DENND4A: variants seen among roughly 807,000 people sequenced by gnomAD.
DENND4A encodes C-myc promoter-binding protein.
Under a neutral mutation model 199.3 loss-of-function variants are expected in DENND4A, and 70 were observed. The observed-to-expected ratio is 0.35, with a 90% CI of 0.29 to 0.43. DENND4A has a LOEUF of 0.43. Ranked by LOEUF, DENND4A falls within the 20% of genes least tolerant of loss-of-function variation. The probability of loss-of-function intolerance (pLI) is 1.00; values close to 1 mark genes in which losing one functional copy is unlikely to be tolerated. For missense variants in DENND4A, 1,723 were observed against 2,255.8 expected, an observed-to-expected ratio of 0.76 and a Z score of 4.78; for synonymous variants, 686 against 766.9, an observed-to-expected ratio of 0.89 and a Z score of 1.74.
chr15:65,747,824 C>T (rs780688252), intron 4 of DENND4A, among the ~76,000 whole-genome samples: 16 of 151,858 alleles, frequency 1.1e-4, no homozygotes, highest in Non-Finnish European at 1.8e-4. Context: ...GGGCGGATCA[C>T]AAGGTCAGGA....
At chr15:65,746,369 C>CTCTCTTTTT (rs2076392238) in intron 4 of DENND4A, among the ~76,000 whole-genome samples, 5 of 51,300 alleles carry the variant, frequency 9.7e-5, no homozygotes, top group Admixed American at 3.4e-4. Context: ...ACTTTTTTCT[C>CTCTCTTTTT]TTTTTTTTTT....
At position 65,701,073 on chromosome 15, in the gene DENND4A, G is replaced by A. The variant is rs1296547166; in HGVS notation, c.2679C>T (p.His893=). The change falls in exon 19 of 33, where the codon CAC becomes CAT. Residue 893 remains histidine, a synonymous_variant. Transcript: ENST00000443035. ...TACCTGAGAGAGTTGTTTGTGATAA[G>A]TGTGCATGCTTCTTTAAAGCTCTTT... is the stretch of plus-strand genomic sequence containing the variant. ...QFKRALKKHA[H]LSQTTLSADG... is the part of the protein sequence containing the mutation. The A allele has an allele frequency of 4.4e-6, 7 of 1,607,858 alleles. No individual in the cohort carries two copies. In the East Asian group the frequency reaches 1.3e-4, roughly 31 times the overall value.
chr15:65,704,566 G>A (rs2074983343), intron 15 of DENND4A, among the ~76,000 whole-genome samples: 4 of 151,964 alleles, frequency 2.6e-5, no homozygotes, highest in Admixed American at 2.6e-4. Flanking sequence ...ATAGAGATAA[G>A]GTCTTGCTAT....
At chr15:65,682,444 T>A (rs2076611478) in intron 23 of DENND4A, among the ~76,000 whole-genome samples, 1 of 152,250 alleles carries the variant, frequency 6.6e-6, no homozygotes, top group Non-Finnish European at 1.5e-5. Context: ...CTTCCTCAGC[T>A]TTCTCAGCCT....
intron 20 of DENND4A, 97 bp from the exon 21 acceptor site, chr15:65,697,480 A>G: frequency 1.3e-6 from 1 of 755,964 alleles, no homozygotes; most frequent in Non-Finnish European, 2.1e-6. Context: ...ATTTCCTTAT[A>G]AATTTTTTTC....
chr15:65,666,641 C>T (rs892372186), intron 29 of DENND4A, among the ~76,000 whole-genome samples: 3 of 152,066 alleles, frequency 2.0e-5, no homozygotes, highest in Non-Finnish European at 4.4e-5. Flanking sequence ...GGGCTGGACA[C>T]AGTGGCTCCT....
intron 7 of DENND4A, among the ~76,000 whole-genome samples, chr15:65,735,770 T>C (rs1396650407): frequency 6.6e-6 from 1 of 152,124 alleles, no homozygotes; most frequent in African/African-American, 2.4e-5. Context: ...GCTGGTTTTC[T>C]CCCACAGAGT....
Position 65,746,369 on chromosome 15 carries a change from C to CTTTTTTTTTTT in DENND4A, c.562-4596_562-4586dup, listed in dbSNP as rs573935476. On this transcript the variant is annotated intron_variant, in intron 4 of 32. Coordinates refer to ENST00000443035, the MANE Select transcript of DENND4A (RefSeq NM_001320835.1). ...CTTGTTAACAATTCTACTTTTTTCTCTTTTTTTTTTTTTTTTTTTTTTTTT... is the reference window on the plus strand; with the variant it reads ...CTTGTTAACAATTCTACTTTTTTCTCTTTTTTTTTTTTTTTTTTTTTTTTTTTTTTTTTTTT... Among the ~76,000 whole-genome samples, 177 of 51,318 alleles carry CTTTTTTTTTTT rather than the reference C, an allele frequency of 3.4e-3. 25 individuals carry two copies. Among genetic ancestry groups the CTTTTTTTTTTT allele is most frequent in the Non-Finnish European group, 4.7e-3 (129 of 27,590 alleles). The allele number at this position is 51,318 out of a possible 152,430, so 33.7% of individuals were successfully genotyped here.
chr15:65,723,064 A>G (rs1016657513), intron 11 of DENND4A, 116 bp from the exon 12 acceptor site: 9 of 795,892 alleles, frequency 1.1e-5, no homozygotes, highest in Non-Finnish European at 1.6e-5. Context: ...GAAAAATGAA[A>G]AACAAAATAT....
chr15:65,735,895 C>A (rs971842694), intron 7 of DENND4A, among the ~76,000 whole-genome samples: 1 of 152,096 alleles, frequency 6.6e-6, no homozygotes, highest in Non-Finnish European at 1.5e-5. Flanking sequence ...AGTTCGAGAC[C>A]AGCCTCACCA....
intron 7 of DENND4A, 35 bp downstream of exon 7, chr15:65,737,672 T>G: frequency 6.5e-7 from 1 of 1,532,322 alleles, no homozygotes; most frequent in Non-Finnish European, 8.8e-7. Context: ...AATGGAAAGA[T>G]CTGTCAAATG....
chr15:65,775,498 G>T (rs1168319280), intron 1 of DENND4A, among the ~76,000 whole-genome samples: 1 of 151,422 alleles, frequency 6.6e-6, no homozygotes, highest in Non-Finnish European at 1.5e-5. Context: ...AAAATTAGCC[G>T]GGTGTGGTGA....
intron 12 of DENND4A, among the ~76,000 whole-genome samples, chr15:65,720,947 T>TTACATATATATATATATATATA: frequency 1.3e-5 from 1 of 76,234 alleles, no homozygotes; most frequent in Admixed American, 1.5e-4. Context: ...GTTTCATTGA[T>TTACATATATATATATATATATA]TATATATATA....
At chr15:65,769,151 AGATT>A (rs2077061682) in intron 1 of DENND4A, among the ~76,000 whole-genome samples, 1 of 152,052 alleles carries the variant, frequency 6.6e-6, no homozygotes, top group Admixed American at 6.6e-5. Flanking sequence ...AAAAACGCAT[AGATT>A]TTTTAAAAAT....
chr15:65,746,369 C>CTTTTTTTTT lies in DENND4A; in HGVS notation c.562-4594_562-4586dup, dbSNP rs573935476. ...CTTGTTAACAATTCTACTTTTTTCTCTTTTTTTTTTTTTTTTTTTTTTTTT... is the reference window on the plus strand; with the variant it reads ...CTTGTTAACAATTCTACTTTTTTCTCTTTTTTTTTTTTTTTTTTTTTTTTTTTTTTTTTT... On this transcript the variant is annotated intron_variant, in intron 4 of 32. Transcript: ENST00000443035. Among the ~76,000 whole-genome samples the CTTTTTTTTT allele has an allele frequency of 9.5e-3, 487 of 51,364 alleles. 30 individuals are homozygous for CTTTTTTTTT. The highest frequency in any genetic ancestry group is 0.014 in the Non-Finnish European group (377 of 27,628). The allele number at this position is 51,364 out of a possible 152,430, so 33.7% of individuals were successfully genotyped here.
At chr15:65,757,266 G>C (rs1006185177) in intron 2 of DENND4A, among the ~76,000 whole-genome samples, 10 of 147,588 alleles carry the variant, frequency 6.8e-5, no homozygotes, top group South Asian at 2.2e-4. Flanking sequence ...CTGAGATGGG[G>C]GGGGGGGGGT....
chr15:65,778,175 T>C (rs574301856), intron 1 of DENND4A, among the ~76,000 whole-genome samples: 124 of 152,308 alleles, frequency 8.1e-4, no homozygotes, highest in African/African-American at 2.9e-3. Context: ...TAAAATTCTA[T>C]TACAAAGTTC....
At chr15:65,713,715 G>A (rs1375808800) in intron 14 of DENND4A, among the ~76,000 whole-genome samples, 2 of 152,294 alleles carry the variant, frequency 1.3e-5, no homozygotes, top group Middle Eastern at 3.4e-3. Context: ...TGTGTATTTT[G>A]TTGTAACATG....
chr15:65,697,210 A>G (rs964690526), intron 21 of DENND4A, 57 bp downstream of exon 21: 1 of 1,101,290 alleles, frequency 9.1e-7, no homozygotes, highest in South Asian at 1.4e-5. Context: ...AATCACCTGC[A>G]TTTTCTATGA....
Sources: allele counts gnomAD v4.1 joint callset (sites outside exome capture counted in the v4.1 genomes callset), GRCh38; gene constraint gnomAD v4.1.1; transcripts MANE v1.5; gene names NCBI Gene and HGNC (gene_info 2026-07-23, HGNC 2026-07-21).